The following LY96 variants were observed in gnomAD, a reference collection of about 807,000 sequenced individuals.
The protein encoded by LY96 is myeloid differentiation protein-2.
In LY96, 18 loss-of-function variants were observed where a neutral mutation model predicts 18.9. That is an observed-to-expected ratio of 0.95 (90% CI 0.66 to 1.41). The LOEUF (loss-of-function observed/expected upper bound fraction) is 1.41. LY96 is among the 40% of genes most tolerant of loss of function. The probability of loss-of-function intolerance (pLI) is 0.00; values close to 1 mark genes in which losing one functional copy is unlikely to be tolerated. For synonymous variants in LY96, 66 were observed against 62.6 expected (o/e 1.06, Z -0.26); for missense variants, 175 against 182.4 (o/e 0.96, Z 0.23).
intron 1 of LY96, among the ~76,000 whole-genome samples, chr8:73,996,340 C>T (rs1586644893): frequency 7.5e-6 from 1 of 133,930 alleles, no homozygotes; most frequent in Non-Finnish European, 1.6e-5. Flanking sequence ...TTCCTTCCTT[C>T]CTTCCTTCCT....
chr8:74,028,574 G>A (rs754142760), intron 4 of LY96, among the ~76,000 whole-genome samples: 1 of 151,928 alleles, frequency 6.6e-6, no homozygotes, highest in East Asian at 1.9e-4. Flanking sequence ...AATAATTGCT[G>A]CCTCAATGAA....
chr8:74,074,771 T>C, the LY96 span, among the ~76,000 whole-genome samples: 1 of 152,256 alleles, frequency 6.6e-6, no homozygotes, highest in Non-Finnish European at 1.5e-5. Context: ...TATTTTCTAA[T>C]TTCCATGTGT....
the LY96 span, among the ~76,000 whole-genome samples, chr8:74,044,214 C>G: frequency 2.1e-5 from 3 of 146,080 alleles, no homozygotes; most frequent in South Asian, 6.5e-4. Context: ...TTTAGGGTCT[C>G]ACTGTTGCCC....
chr8:74,014,381 AAAAAAAAAAAAAG>A (rs1019647962), intron 3 of LY96, among the ~76,000 whole-genome samples: 13 of 127,102 alleles, frequency 1.0e-4, no homozygotes, highest in Non-Finnish European at 1.9e-4. Context: ...TCCCTGACTT[AAAAAAAAAAAAAG>A]AAAAAAAAAA....
At chr8:74,095,598 G>A in the LY96 span, among the ~76,000 whole-genome samples, 1 of 152,200 alleles carries the variant, frequency 6.6e-6, no homozygotes, top group Non-Finnish European at 1.5e-5. Context: ...CCTTGCAGCA[G>A]CAGCCGACAC....
rs972375084 is a variant in LY96 at position 74,020,375 on chromosome 8, C to T, written c.332-6414C>T. Among the ~76,000 whole-genome samples, 17 of 152,224 alleles carry T rather than the reference C, an allele frequency of 1.1e-4. No individual in the cohort carries two copies. In the East Asian group the frequency reaches 3.1e-3, roughly 28 times the overall value. On this transcript the variant is annotated intron_variant, in intron 3 of 4. Transcript: ENST00000284818. ...TCCAACTTACAAGGGTTGTAAAGGA[C>T]CTCTTCAAGGAGAATTACAAACCAC...
chr8:74,010,869 C>T (rs150301351), intron 3 of LY96, among the ~76,000 whole-genome samples: 1 of 149,582 alleles, frequency 6.7e-6, no homozygotes, highest in East Asian at 1.9e-4. Flanking sequence ...CTGTGTCATG[C>T]TTTCTCTTTG....
the LY96 span, among the ~76,000 whole-genome samples, chr8:74,091,246 G>A: frequency 6.6e-6 from 1 of 152,154 alleles, no homozygotes; most frequent in East Asian, 1.9e-4. Flanking sequence ...CACCAGCTGG[G>A]CCATCTTTCT....
chr8:74,002,093 T>TCTTTC (rs1343711445), intron 1 of LY96, among the ~76,000 whole-genome samples: 1 of 38,700 alleles, frequency 2.6e-5, no homozygotes, highest in African/African-American at 1.6e-4. Context: ...CTTTCTTTCT[T>TCTTTC]TCTCTCTCTC....
the LY96 span, among the ~76,000 whole-genome samples, chr8:74,092,301 C>A: frequency 6.6e-6 from 1 of 152,158 alleles, no homozygotes; most frequent in African/African-American, 2.4e-5. Flanking sequence ...GTTCCAGTAT[C>A]CCCACATTGC....
chr8:74,047,151 G>A, the LY96 span, among the ~76,000 whole-genome samples: 1 of 152,118 alleles, frequency 6.6e-6, no homozygotes, highest in Non-Finnish European at 1.5e-5. Flanking sequence ...GCCTCCCAAA[G>A]TGCTGGGATT....
the LY96 span, among the ~76,000 whole-genome samples, chr8:74,055,361 A>T: frequency 1.3e-5 from 2 of 152,072 alleles, no homozygotes; most frequent in African/African-American, 2.4e-5. Context: ...TTTGAAGCTC[A>T]CTAGTGCTAG....
the LY96 span, among the ~76,000 whole-genome samples, chr8:74,043,150 G>A: frequency 6.6e-6 from 1 of 152,174 alleles, no homozygotes; most frequent in East Asian, 1.9e-4. Context: ...ATTCACCAAC[G>A]CTTAATGTCT....
At chr8:74,038,342 C>T in the LY96 span, among the ~76,000 whole-genome samples, 1 of 152,060 alleles carries the variant, frequency 6.6e-6, no homozygotes, top group Non-Finnish European at 1.5e-5. Flanking sequence ...CTCCTCTGTG[C>T]CACCCCCCGT....
chr8:74,054,079 G>A, the LY96 span, among the ~76,000 whole-genome samples: 3 of 152,162 alleles, frequency 2.0e-5, no homozygotes, highest in African/African-American at 4.8e-5. Context: ...CCAGGCTAGA[G>A]TACAGTGCTG....
At chr8:74,068,232 T>C in the LY96 span, among the ~76,000 whole-genome samples, 1 of 151,934 alleles carries the variant, frequency 6.6e-6, no homozygotes, top group East Asian at 1.9e-4. Flanking sequence ...CTAGATTTCA[T>C]ATGAATGGAG....
chr8:74,080,263 C>G, the LY96 span, among the ~76,000 whole-genome samples: 2 of 152,212 alleles, frequency 1.3e-5, no homozygotes, highest in East Asian at 3.9e-4. Flanking sequence ...AGCATAATGG[C>G]CTTTGGGTTG....
the LY96 span, among the ~76,000 whole-genome samples, chr8:74,081,087 C>CTCTTTCTTTCTTTCTT: frequency 0.04 from 3,746 of 92,810 alleles, 187 homozygotes; most frequent in East Asian, 0.12. Context: ...TTCTCTTTCT[C>CTCTTTCTTTCTTTCTT]TCTTTCTTTC....
chr8:74,048,300 C>T, the LY96 span, among the ~76,000 whole-genome samples: 8 of 149,248 alleles, frequency 5.4e-5, no homozygotes, highest in Non-Finnish European at 1.0e-4. Context: ...TTGCTCTTGT[C>T]GCCTAGGCGG....
Sources: gnomAD v4.1 joint callset for allele counts (sites outside exome capture counted in the v4.1 genomes callset) on GRCh38, gnomAD v4.1.1 for gene constraint, MANE v1.5 for transcripts, NCBI Gene and HGNC (gene_info 2026-07-23, HGNC 2026-07-21) for gene names.